TENM1: variants seen among roughly 807,000 people sequenced by gnomAD.
TENM1 encodes the protein teneurin-1.
TENM1 carries 35 observed loss-of-function variants against 174.8 expected under a neutral mutation model. The ratio of observed to expected loss-of-function variants is 0.20; its 90% CI spans 0.15 to 0.27. TENM1 has a LOEUF of 0.27. Ranked by LOEUF, TENM1 falls within the 10% of genes least tolerant of loss-of-function variation. The pLI, the probability that TENM1 is intolerant of heterozygous loss-of-function variation, is 1.00. For synonymous variants in TENM1, 781 were observed against 798.7 expected (o/e 0.98, Z 0.37); for missense variants, 1,633 against 2,130.1 (o/e 0.77, Z 4.59).
At chrX:124,958,827 G>T (rs911245583) in intron 1 of TENM1, among the ~76,000 whole-genome samples, 32 of 111,381 alleles carry the variant, frequency 2.9e-4, no homozygotes, top group African/African-American at 1.0e-3. Flanking sequence ...AATAGAATAG[G>T]TACAATTCCA....
At chrX:124,523,385 T>G in exon 17 of TENM1, 4 of 1,211,584 alleles carry the variant, frequency 3.3e-6, no homozygotes, top group Admixed American at 2.2e-5. Flanking sequence ...GAACAATAGT[T>G]CCCCTCTCTG....
exon 26 of TENM1, chrX:124,406,483 G>C: frequency 8.4e-7 from 1 of 1,191,187 alleles, no homozygotes. Context: ...GTCCCTCGGG[G>C]TCATACCTGA....
the TENM1 span, among the ~76,000 whole-genome samples, chrX:125,087,445 T>G: frequency 9.0e-6 from 1 of 111,218 alleles, no homozygotes; most frequent in South Asian, 3.7e-4. Flanking sequence ...ATATAAAGCA[T>G]GAGAATAATT....
At chrX:124,990,787 C>T in the TENM1 span, among the ~76,000 whole-genome samples, 2 of 112,020 alleles carry the variant, frequency 1.8e-5, no homozygotes, top group Middle Eastern at 4.7e-3. Context: ...AGAAATAAGG[C>T]GCTGAGGACA....
chrX:125,039,209 T>C, the TENM1 span, among the ~76,000 whole-genome samples: 1 of 111,965 alleles, frequency 8.9e-6, no homozygotes, highest in Admixed American at 9.5e-5. Flanking sequence ...CAAGCTCTTA[T>C]CAGTTTTATA....
At chrX:124,396,304 CTTTTT>C (rs1257692658) in intron 27 of TENM1, among the ~76,000 whole-genome samples, 2 of 70,467 alleles carry the variant, frequency 2.8e-5, no homozygotes, top group Non-Finnish European at 5.1e-5. Context: ...CTCTCCCAAC[CTTTTT>C]TTTTTTTTTC....
intron 22 of TENM1, among the ~76,000 whole-genome samples, chrX:124,457,273 G>A (rs779489148): frequency 5.2e-4 from 58 of 112,124 alleles, no homozygotes; most frequent in African/African-American, 1.8e-3. Context: ...TATAATGAAA[G>A]CACTGACAGA....
intron 15 of TENM1, among the ~76,000 whole-genome samples, chrX:124,533,893 TCA>T (rs1018040740): frequency 2.3e-4 from 26 of 111,261 alleles, no homozygotes; most frequent in African/African-American, 8.5e-4. Flanking sequence ...CTCCTTTGAT[TCA>T]CAGACATGAA....
chrX:124,973,688 T>C, the TENM1 span, among the ~76,000 whole-genome samples: 1 of 111,982 alleles, frequency 8.9e-6, no homozygotes, highest in Admixed American at 9.5e-5. Context: ...AGATCTCTCA[T>C]GATTTGGCTC....
chrX:125,010,768 C>T, the TENM1 span, among the ~76,000 whole-genome samples: 2 of 104,814 alleles, frequency 1.9e-5, no homozygotes, highest in Non-Finnish European at 3.9e-5. Context: ...GAGCCGAGAT[C>T]GCGCCACTGC....
chrX:125,045,012 G>A, the TENM1 span, among the ~76,000 whole-genome samples: 1 of 111,647 alleles, frequency 9.0e-6, no homozygotes, highest in Non-Finnish European at 1.9e-5. Context: ...AAAGAGGTAT[G>A]ACTCACAGTT....
intron 3 of TENM1, among the ~76,000 whole-genome samples, chrX:124,882,102 TTTC>T (rs2057314370): frequency 8.9e-6 from 1 of 112,705 alleles, no homozygotes; most frequent in Non-Finnish European, 1.9e-5. Flanking sequence ...TCCTCCTTAA[TTTC>T]TTGTTTGACT....
intron 16 of TENM1, among the ~76,000 whole-genome samples, chrX:124,524,833 T>C (rs868369540): frequency 8.1e-5 from 9 of 111,682 alleles, no homozygotes; most frequent in South Asian, 3.8e-4. Flanking sequence ...ATGACGTACT[T>C]GAGAGCATCT....
At chrX:124,974,871 A>G in the TENM1 span, among the ~76,000 whole-genome samples, 59 of 81,284 alleles carry the variant, frequency 7.3e-4, 1 homozygote, top group African/African-American at 2.1e-3. Context: ...TCTGAACAAA[A>G]TTCTCAGGGA....
intron 11 of TENM1, among the ~76,000 whole-genome samples, chrX:124,609,836 G>A (rs1044359932): frequency 6.3e-5 from 7 of 111,690 alleles, no homozygotes; most frequent in Non-Finnish European, 9.4e-5. Flanking sequence ...AAGGAGGCAT[G>A]AATCTAAGGA....
At chrX:125,170,222 C>A in the TENM1 span, among the ~76,000 whole-genome samples, 6 of 111,064 alleles carry the variant, frequency 5.4e-5, no homozygotes, top group Non-Finnish European at 9.5e-5. Context: ...TTAGAGCAGG[C>A]CTTATGTTTT....
chrX:124,477,436 TC>T (rs912246077), intron 22 of TENM1, among the ~76,000 whole-genome samples: 2 of 111,851 alleles, frequency 1.8e-5, no homozygotes, highest in Non-Finnish European at 3.8e-5. Flanking sequence ...AGCATTTTTT[TC>T]CCCCAATATT....
the TENM1 span, chrX:125,204,246 C>A: frequency 8.9e-6 from 1 of 112,070 alleles, no homozygotes; most frequent in East Asian, 2.9e-4. Context: ...GCCGCGCTCC[C>A]GGGTGCTGGG....
At chrX:124,663,119 T>C (rs2051655232) in intron 6 of TENM1, among the ~76,000 whole-genome samples, 1 of 112,109 alleles carries the variant, frequency 8.9e-6, no homozygotes, top group Non-Finnish European at 1.9e-5. Context: ...TTAACTGTTA[T>C]TCTTCCCTCT....
Sources: allele counts gnomAD v4.1 joint callset (sites outside exome capture counted in the v4.1 genomes callset), GRCh38; gene constraint gnomAD v4.1.1; transcripts MANE v1.5; gene names NCBI Gene and HGNC (gene_info 2026-07-23, HGNC 2026-07-21).